The following ABTB3 variants were observed in gnomAD, a reference collection of about 807,000 sequenced individuals.
ABTB3 encodes ankyrin repeat and BTB domain containing 3, also known as ankyrin repeat- and BTB/POZ domain-containing protein 3.
the ABTB3 span, among the ~76,000 whole-genome samples, chr12:107,473,033 A>G: frequency 6.6e-6 from 1 of 152,198 alleles, no homozygotes. Context: ...CCCAGGGAAC[A>G]GGCGAGGCCA....
chr12:107,404,480 C>A, the ABTB3 span, among the ~76,000 whole-genome samples: 1 of 152,084 alleles, frequency 6.6e-6, no homozygotes, highest in Admixed American at 6.5e-5. Flanking sequence ...CCTCTCGGGA[C>A]CCCCTCCTTG....
At chr12:107,510,962 A>G in the ABTB3 span, among the ~76,000 whole-genome samples, 16 of 152,256 alleles carry the variant, frequency 1.1e-4, 1 homozygote, top group Admixed American at 1.0e-3. Context: ...AGAAGGTGAC[A>G]TTTCAGCAAA....
chr12:107,332,298 C>T, the ABTB3 span, among the ~76,000 whole-genome samples: 1 of 152,210 alleles, frequency 6.6e-6, no homozygotes, highest in African/African-American at 2.4e-5. Context: ...CCCAGCACAT[C>T]GTCATGGTAA....
At chr12:107,536,989 C>A in the ABTB3 span, among the ~76,000 whole-genome samples, 1 of 152,000 alleles carries the variant, frequency 6.6e-6, no homozygotes, top group African/African-American at 2.4e-5. Context: ...ATGAATTCAT[C>A]AACAGATGAA....
the ABTB3 span, chr12:107,319,792 G>A: frequency 2.1e-6 from 3 of 1,442,054 alleles, no homozygotes; most frequent in Admixed American, 2.4e-5. Context: ...CCCCCGCGGC[G>A]GATAAAGAGC....
chr12:107,360,139 A>G, the ABTB3 span, among the ~76,000 whole-genome samples: 1 of 152,228 alleles, frequency 6.6e-6, no homozygotes, highest in Non-Finnish European at 1.5e-5. Flanking sequence ...TAGTTGTTAC[A>G]TTATATGGTC....
the ABTB3 span, among the ~76,000 whole-genome samples, chr12:107,466,064 G>T: frequency 1.3e-5 from 2 of 152,138 alleles, no homozygotes; most frequent in Non-Finnish European, 2.9e-5. Flanking sequence ...AAGCCAAACT[G>T]TTTTTATCAT....
At chr12:107,540,341 C>A in the ABTB3 span, among the ~76,000 whole-genome samples, 6 of 152,092 alleles carry the variant, frequency 3.9e-5, no homozygotes, top group Non-Finnish European at 8.8e-5. Flanking sequence ...TTTCCTGTGC[C>A]TTTTTGTTCT....
the ABTB3 span, among the ~76,000 whole-genome samples, chr12:107,565,262 G>A: frequency 6.6e-6 from 1 of 152,014 alleles, no homozygotes; most frequent in East Asian, 1.9e-4. Context: ...AAGGAAATGG[G>A]CCCAACCCTG....
At chr12:107,457,648 A>G in the ABTB3 span, among the ~76,000 whole-genome samples, 2 of 152,236 alleles carry the variant, frequency 1.3e-5, no homozygotes, top group Non-Finnish European at 2.9e-5. Flanking sequence ...CCTTCTGGGC[A>G]GACAGCAATA....
the ABTB3 span, chr12:107,651,634 C>A: frequency 1.4e-6 from 2 of 1,462,914 alleles, no homozygotes; most frequent in South Asian, 1.2e-5. Context: ...CCTTTCCATC[C>A]ACCTCCCAGC....
At chr12:107,531,485 C>T in the ABTB3 span, among the ~76,000 whole-genome samples, 7 of 152,132 alleles carry the variant, frequency 4.6e-5, no homozygotes, top group East Asian at 1.9e-4. Flanking sequence ...TGGATTAGCT[C>T]GAAGGCCAGT....
the ABTB3 span, among the ~76,000 whole-genome samples, chr12:107,453,096 T>C: frequency 6.6e-6 from 1 of 151,982 alleles, no homozygotes; most frequent in Non-Finnish European, 1.5e-5. Flanking sequence ...ATCGCATGTG[T>C]AAGGACTGTC....
chr12:107,657,693 C>T, the ABTB3 span: 3 of 1,614,166 alleles, frequency 1.9e-6, no homozygotes, highest in Non-Finnish European at 2.5e-6. Flanking sequence ...ATCCACTTGT[C>T]GTCTTCCAAA....
the ABTB3 span, among the ~76,000 whole-genome samples, chr12:107,328,735 A>G: frequency 6.6e-5 from 10 of 152,332 alleles, no homozygotes; most frequent in East Asian, 1.9e-3. Flanking sequence ...AAAGTGGTTG[A>G]GTTGGGACTT....
the ABTB3 span, among the ~76,000 whole-genome samples, chr12:107,654,832 A>ACG: frequency 6.8e-6 from 1 of 147,358 alleles, no homozygotes; most frequent in African/African-American, 2.6e-5. Context: ...ACACACACAC[A>ACG]CACACACACA....
the ABTB3 span, among the ~76,000 whole-genome samples, chr12:107,507,207 G>GC: frequency 6.6e-6 from 1 of 152,076 alleles, no homozygotes; most frequent in East Asian, 1.9e-4. Context: ...GTCCTGGTCA[G>GC]CCACCCCTAA....
At chr12:107,579,119 C>A in the ABTB3 span, among the ~76,000 whole-genome samples, 1 of 152,194 alleles carries the variant, frequency 6.6e-6, no homozygotes, top group South Asian at 2.1e-4. Context: ...GGAGGAACGT[C>A]TAGGGAGAAA....
chr12:107,443,176 G>A, the ABTB3 span, among the ~76,000 whole-genome samples: 2 of 152,080 alleles, frequency 1.3e-5, no homozygotes, highest in South Asian at 4.2e-4. Context: ...CATAGCAGCA[G>A]CCATGTTCTA....
Sources: allele counts gnomAD v4.1 joint callset (sites outside exome capture counted in the v4.1 genomes callset), GRCh38; gene constraint gnomAD v4.1.1; transcripts MANE v1.5; gene names NCBI Gene and HGNC (gene_info 2026-07-23, HGNC 2026-07-21).